RBMS3: variants seen among roughly 807,000 people sequenced by gnomAD.
RBMS3 encodes RNA binding motif single stranded interacting protein 3, also known as RNA-binding motif, single-stranded-interacting protein 3.
In RBMS3, 27 loss-of-function variants were observed where a neutral mutation model predicts 66.8. That is an observed-to-expected ratio of 0.40 (90% CI 0.30 to 0.56). The LOEUF is 0.56. Ranked by LOEUF, RBMS3 falls within the 20% of genes least tolerant of loss-of-function variation. RBMS3 has a pLI of 0.40. For missense variants in RBMS3, 513 were observed against 549.5 expected (o/e 0.93, Z 0.66); for synonymous variants, 188 against 183.0 (o/e 1.03, Z -0.22).
chr3:29,754,400 TGTGGCA>T (rs930210783), intron 5 of RBMS3, among the ~76,000 whole-genome samples: 4 of 152,218 alleles, frequency 2.6e-5, no homozygotes, highest in Non-Finnish European at 5.9e-5. Flanking sequence ...CCAACCATGT[TGTGGCA>T]GGAATGTGTG....
chr3:29,692,940 C>G (rs2052097870), intron 4 of RBMS3, among the ~76,000 whole-genome samples: 1 of 152,088 alleles, frequency 6.6e-6, no homozygotes, highest in African/African-American at 2.4e-5. Context: ...ACGGACAGAT[C>G]CTTTATATGA....
At chr3:29,739,960 A>C in intron 5 of RBMS3, 83 bp downstream of exon 5, 3 of 1,074,426 alleles carry the variant, frequency 2.8e-6, no homozygotes, top group Non-Finnish European at 3.7e-6. Flanking sequence ...TAGAGCCCAA[A>C]GCAATAGAAT....
intron 5 of RBMS3, among the ~76,000 whole-genome samples, chr3:29,762,502 A>C (rs1354359077): frequency 6.6e-6 from 1 of 152,152 alleles, no homozygotes; most frequent in Non-Finnish European, 1.5e-5. Context: ...CTTATTGGAA[A>C]GGTAGTTTAT....
intron 1 of RBMS3, among the ~76,000 whole-genome samples, chr3:29,361,265 T>C (rs1342352137): frequency 2.0e-5 from 3 of 152,060 alleles, no homozygotes; most frequent in Non-Finnish European, 4.4e-5. Context: ...TCTCTCAGCA[T>C]TTGCTTGTCT....
At chr3:29,738,776 G>A (rs116898208) in intron 4 of RBMS3, among the ~76,000 whole-genome samples, 2 of 152,292 alleles carry the variant, frequency 1.3e-5, no homozygotes, top group East Asian at 3.9e-4. Flanking sequence ...GTTCCCAGGT[G>A]AGGCTAAGGC....
intron 1 of RBMS3, among the ~76,000 whole-genome samples, chr3:29,284,933 T>C (rs759463486): frequency 2.7e-4 from 39 of 142,302 alleles, no homozygotes; most frequent in Non-Finnish European, 5.4e-4. Context: ...TAAGGAATAA[T>C]GAAGAAATCT....
intron 4 of RBMS3, among the ~76,000 whole-genome samples, chr3:29,639,156 C>T (rs2049587025): frequency 6.6e-6 from 1 of 151,692 alleles, no homozygotes; most frequent in Non-Finnish European, 1.5e-5. Flanking sequence ...ACATGGTCTA[C>T]CTTGGCTGAA....
intron 1 of RBMS3, among the ~76,000 whole-genome samples, chr3:29,417,171 T>C (rs916582889): frequency 6.6e-6 from 1 of 152,062 alleles, no homozygotes; most frequent in Non-Finnish European, 1.5e-5. Flanking sequence ...TATTTTCATG[T>C]TGTTCTTCAG....
At chr3:29,970,650 C>T (rs1207955168) in intron 12 of RBMS3, among the ~76,000 whole-genome samples, 1 of 152,140 alleles carries the variant, frequency 6.6e-6, no homozygotes, top group African/African-American at 2.4e-5. Flanking sequence ...AATCCTCAAT[C>T]CCATACCCTT....
chr3:29,495,582 AT>A (rs962471754), intron 3 of RBMS3, among the ~76,000 whole-genome samples: 2 of 149,716 alleles, frequency 1.3e-5, no homozygotes, highest in Admixed American at 1.3e-4. Flanking sequence ...TGCCCCATTA[AT>A]TTTTTTTTGT....
In RBMS3 at chr3:29,281,335, T is replaced by G. The variant is rs902431078; in HGVS notation, c.-347T>G. Reference sequence around the variant, plus strand: ...GATTTTTTTCCCCCTTTACGAACGCTGGCAATTGACATCACTACAGACAGC... The same window carrying G: ...GATTTTTTTCCCCCTTTACGAACGCGGGCAATTGACATCACTACAGACAGC... On this transcript the variant is annotated 5_prime_UTR_variant, in exon 1 of 15. Transcript: ENST00000383767. 47 of 294,138 alleles carry G rather than the reference T, an allele frequency of 1.6e-4. No individual in the cohort carries two copies. The highest frequency in any genetic ancestry group is 8.8e-4 in the Middle Eastern group (1 of 1,134). 18.2% of individuals were successfully genotyped at this position (294,138 alleles called of 1,614,324 possible). A position where few individuals can be genotyped will look rare whatever the true frequency, so the allele number is the denominator to read the frequency against.
chr3:29,368,141 A>G lies in RBMS3; in HGVS notation c.76-66602A>G, dbSNP rs569001211. On this transcript the variant is annotated intron_variant, in intron 1 of 14. Coordinates refer to ENST00000383767, the MANE Select transcript of RBMS3 (RefSeq NM_001003793.3). ...GGGATACTTATGTGGCCATCAATTT[A>G]GTTGACTTTCTATCAAAATTGAGAA... is the stretch of plus-strand genomic sequence containing the variant. Among the ~76,000 whole-genome samples the G allele has an allele frequency of 6.6e-5, 10 of 152,312 alleles. No individual in the cohort carries two copies. The South Asian group carries it at 1.9e-3, about 28-fold the overall frequency.
chr3:29,879,089 C>CAA (rs147455657), intron 7 of RBMS3, among the ~76,000 whole-genome samples: 4 of 145,114 alleles, frequency 2.8e-5, no homozygotes, highest in African/African-American at 1.0e-4. Flanking sequence ...GCATGAAAGG[C>CAA]AAAAAAAAAA....
At chr3:29,356,346 T>A (rs1396324209) in intron 1 of RBMS3, among the ~76,000 whole-genome samples, 2 of 152,210 alleles carry the variant, frequency 1.3e-5, no homozygotes, top group African/African-American at 2.4e-5. Flanking sequence ...GTTCTATGTT[T>A]TGTTGACCTA....
intron 6 of RBMS3, among the ~76,000 whole-genome samples, chr3:29,852,158 C>T (rs2058950656): frequency 6.6e-6 from 1 of 152,184 alleles, no homozygotes; most frequent in Non-Finnish European, 1.5e-5. Flanking sequence ...CCCTTCCTTA[C>T]ACCATATACA....
chr3:29,832,701 A>C (rs2058404173), intron 6 of RBMS3, among the ~76,000 whole-genome samples: 1 of 152,186 alleles, frequency 6.6e-6, no homozygotes, highest in Non-Finnish European at 1.5e-5. Flanking sequence ...GGTAATTAGC[A>C]TGACTGAGTG....
Position 29,504,845 on chromosome 3 carries a change from T to C in RBMS3, c.307+16346T>C, listed in dbSNP as rs73044665. The stretch of plus-strand genomic sequence containing the variant: ...TTTGTGTTTCTCTGATGACTAGTCA[T>C]GGTGAGCATGTTTTCATATACCTGT... On this transcript the variant is annotated intron_variant, in intron 3 of 14. Transcript: ENST00000383767. Among the ~76,000 whole-genome samples the C allele has an allele frequency of 4.2e-3, 637 of 152,292 alleles. 3 individuals are homozygous for C. The highest frequency in any genetic ancestry group is 6.6e-3 in the Non-Finnish European group (446 of 68,010).
At chr3:29,955,662 C>G (rs1265743293) in intron 12 of RBMS3, among the ~76,000 whole-genome samples, 1 of 152,004 alleles carries the variant, frequency 6.6e-6, no homozygotes, top group Non-Finnish European at 1.5e-5. Flanking sequence ...ACCTTGGAAA[C>G]TTGCTTTGCT....
intron 4 of RBMS3, among the ~76,000 whole-genome samples, chr3:29,669,034 C>T (rs2050883400): frequency 6.6e-6 from 1 of 152,174 alleles, no homozygotes; most frequent in African/African-American, 2.4e-5. Context: ...TGGCTCACAG[C>T]TGCCCTGTTC....
Sources: gnomAD v4.1 joint callset for allele counts (sites outside exome capture counted in the v4.1 genomes callset) on GRCh38, gnomAD v4.1.1 for gene constraint, MANE v1.5 for transcripts, NCBI Gene and HGNC (gene_info 2026-07-23, HGNC 2026-07-21) for gene names.